PLA2G5: variants seen among roughly 807,000 people sequenced by gnomAD.
PLA2G5 encodes the protein Ca2+-dependent phospholipase A2.
PLA2G5 carries 12 observed loss-of-function variants against 15.9 expected under a neutral mutation model. That is an observed-to-expected ratio of 0.76 (90% CI 0.48 to 1.23). The LOEUF (loss-of-function observed/expected upper bound fraction) is 1.23. Among genes scored for constraint, PLA2G5 ranks in the 50% most tolerant of loss-of-function variants. PLA2G5 has a pLI of 0.00. For missense variants in PLA2G5, 169 were observed against 177.1 expected, an observed-to-expected ratio of 0.95 and a Z score of 0.26; for synonymous variants, 71 against 71.4, an observed-to-expected ratio of 0.99 and a Z score of 0.03.
intron 1 of PLA2G5, among the ~76,000 whole-genome samples, chr1:20,059,066 C>A (rs148909724): frequency 1.7e-4 from 23 of 137,046 alleles, no homozygotes; most frequent in African/African-American, 6.4e-4. Context: ...CCCAGCTACT[C>A]AGGAGGCTGA....
chr1:20,059,088 C>T (rs1039448634), intron 1 of PLA2G5, among the ~76,000 whole-genome samples: 1 of 132,522 alleles, frequency 7.5e-6, no homozygotes, highest in Non-Finnish European at 1.5e-5. Context: ...GTGAGAGAAT[C>T]ACCCAGACTG....
In PLA2G5 at chr1:20,090,285, G is replaced by A. The variant is rs146999829; in HGVS notation, c.293-283G>A. Among the ~76,000 whole-genome samples, 535 of 152,284 alleles carry A rather than the reference G, an allele frequency of 3.5e-3. 2 individuals are homozygous for A. The highest frequency in any genetic ancestry group is 0.011 in the African/African-American group (473 of 41,572). On this transcript the variant is annotated intron_variant, in intron 4 of 4. Coordinates refer to ENST00000375108, the MANE Select transcript of PLA2G5 (RefSeq NM_000929.3). ...CTATGAGAATGAGAGTTCCTCCAGA[G>A]CAGCGGCTGCCTCCACCATCAGACT...
intron 2 of PLA2G5, among the ~76,000 whole-genome samples, chr1:20,064,845 G>C (rs898921948): frequency 6.6e-6 from 1 of 152,068 alleles, no homozygotes; most frequent in Non-Finnish European, 1.5e-5. Context: ...CAGCTCCATG[G>C]GAATCACCAG....
chr1:20,091,431 A>G lies in PLA2G5; in HGVS notation c.*739A>G, dbSNP rs1163558533. Among the ~76,000 whole-genome samples, 2 of 152,198 alleles carry G rather than the reference A, an allele frequency of 1.3e-5. No individual in the cohort carries two copies. The highest frequency in any genetic ancestry group is 6.5e-5 in the Admixed American group (1 of 15,282). ...TTATGCCAGCTTCAGCTTCCAGGCCAGAGAGGGTGGCATTCAAATCCCAGT... is the reference window on the plus strand; with the variant it reads ...TTATGCCAGCTTCAGCTTCCAGGCCGGAGAGGGTGGCATTCAAATCCCAGT... On this transcript the variant is annotated 3_prime_UTR_variant, in exon 5 of 5. Transcript: ENST00000375108.
rs1438568011 is a variant in PLA2G5 at position 20,052,123 on chromosome 1, G to A, written n.277-7509G>A. On this transcript the variant is annotated intron_variant and non_coding_transcript_variant, in intron 1 of 6. Coordinates refer to the PLA2G5 transcript ENST00000460175. ...TCTTTATTAAAAATGGGAAACTGCC[G>A]AGATCGCGCCACTGCACTCCAGCCT... Among the ~76,000 whole-genome samples, 26 of 143,364 alleles carry A rather than the reference G, an allele frequency of 1.8e-4. 1 individual carries two copies. The highest frequency in any genetic ancestry group is 8.7e-4 in the South Asian group (4 of 4,604). 94.1% of individuals were successfully genotyped at this position (143,364 alleles called of 152,430 possible).
rs1276531841 is a variant in PLA2G5 at position 20,090,534 on chromosome 1, C to T, written c.293-34C>T. 4 of 1,613,314 alleles carry T rather than the reference C, an allele frequency of 2.5e-6. No individual in the cohort carries two copies. The African/African-American group carries it at 5.3e-5, about 22-fold the overall frequency. ...CTGCTGAGACTGGAGCATGCTCTTC[C>T]CACCCTCATTCTGCTCTTGGTGTCC... On this transcript the variant is annotated intron_variant, in intron 4 of 4. Coordinates refer to ENST00000375108, the MANE Select transcript of PLA2G5 (RefSeq NM_000929.3).
intron 1 of PLA2G5, among the ~76,000 whole-genome samples, chr1:20,040,049 A>AT (rs1230396347): frequency 7.9e-5 from 12 of 152,120 alleles, no homozygotes; most frequent in Non-Finnish European, 1.6e-4. Context: ...GCCCTTAAAG[A>AT]TTTTGTTCAA....
chr1:20,065,645 A>G (rs911657032), upstream of PLA2G5, among the ~76,000 whole-genome samples: 1 of 152,150 alleles, frequency 6.6e-6, no homozygotes, highest in Admixed American at 6.5e-5. Context: ...ATCCCATTGT[A>G]TGGCTGTATC....
At chr1:20,064,318 A>C (rs2014900698) in intron 2 of PLA2G5, among the ~76,000 whole-genome samples, 1 of 152,250 alleles carries the variant, frequency 6.6e-6, no homozygotes, top group Admixed American at 6.5e-5. Flanking sequence ...TCATGCCTAT[A>C]ATCCCAGCAC....
chr1:20,089,939 A>G, intron 4 of PLA2G5, 44 bp downstream of exon 4: 1 of 1,421,850 alleles, frequency 7.0e-7, no homozygotes, highest in Non-Finnish European at 9.8e-7. Context: ...AGAGCACCTG[A>G]CTTTAAGTTC....
At chr1:20,050,293 C>G (rs1451400268) in intron 1 of PLA2G5, among the ~76,000 whole-genome samples, 3 of 152,078 alleles carry the variant, frequency 2.0e-5, no homozygotes, top group Admixed American at 2.0e-4. Context: ...TCTTCAGGCC[C>G]AGTAGAAGAT....
chr1:20,052,793 C>G (rs554959286), intron 1 of PLA2G5, among the ~76,000 whole-genome samples: 2 of 152,280 alleles, frequency 1.3e-5, no homozygotes, highest in East Asian at 3.9e-4. Context: ...CTTGGAACTG[C>G]TCAGGGCAAA....
At chr1:20,082,042 C>CAA (rs11573255) in intron 1 of PLA2G5, among the ~76,000 whole-genome samples, 3 of 151,128 alleles carry the variant, frequency 2.0e-5, no homozygotes, top group East Asian at 3.9e-4. Flanking sequence ...CAGAGTGAGA[C>CAA]AAAAAAAAGA....
intron 1 of PLA2G5, among the ~76,000 whole-genome samples, chr1:20,081,985 G>A (rs913924558): frequency 2.0e-5 from 3 of 151,768 alleles, no homozygotes; most frequent in African/African-American, 4.9e-5. Context: ...CTGGGAGGTG[G>A]AGGTTGCAGT....
intron 1 of PLA2G5, among the ~76,000 whole-genome samples, chr1:20,029,324 G>A (rs1273392975): frequency 1.3e-5 from 2 of 148,738 alleles, no homozygotes; most frequent in Non-Finnish European, 3.0e-5. Flanking sequence ...TCAACGTCCA[G>A]CCACCCGTGT....
At chr1:20,066,769 G>A (rs756387304), upstream of PLA2G5, among the ~76,000 whole-genome samples, 1 of 152,146 alleles carries the variant, frequency 6.6e-6, no homozygotes, top group Non-Finnish European at 1.5e-5. Context: ...GACTTTGGGA[G>A]GCAGAGGCAG....
rs11573258 is a variant in PLA2G5, at chr1:20,082,338, G to A, written c.-10-2483G>A. ...CAGTGACCTGCCAGCACTTGGGAGG[G>A]AGCATGCACAGTGTGTTGACTGTAG... On this transcript the variant is annotated intron_variant, in intron 1 of 4. Coordinates refer to ENST00000375108, the MANE Select transcript of PLA2G5 (RefSeq NM_000929.3). 0.019 allele frequency among the ~76,000 whole-genome samples: 2,944 copies of A among 151,828 alleles called. 199 individuals are homozygous for A. The East Asian group carries it at 0.21, about 11-fold the overall frequency.
chr1:20,064,864 T>A (rs1433412489), intron 2 of PLA2G5, among the ~76,000 whole-genome samples: 1 of 152,082 alleles, frequency 6.6e-6, no homozygotes, highest in Non-Finnish European at 1.5e-5. Flanking sequence ...AGGGAGCTTG[T>A]TAAAAATGTA....
At chr1:20,087,747 C>T (rs2016367218) in intron 3 of PLA2G5, among the ~76,000 whole-genome samples, 1 of 151,902 alleles carries the variant, frequency 6.6e-6, no homozygotes, top group South Asian at 2.1e-4. Context: ...AGGAAATATA[C>T]GAGATGAGCC....
Sources: gnomAD v4.1 joint callset for allele counts (sites outside exome capture counted in the v4.1 genomes callset) on GRCh38, gnomAD v4.1.1 for gene constraint, MANE v1.5 for transcripts, NCBI Gene and HGNC (gene_info 2026-07-23, HGNC 2026-07-21) for gene names.